CNTLN: variants seen among roughly 807,000 people sequenced by gnomAD.
The protein encoded by CNTLN is centlein, also known as centlein, centrosomal protein.
Under a neutral mutation model 180.0 loss-of-function variants are expected in CNTLN, and 212 were observed. That is an observed-to-expected ratio of 1.18 (90% confidence interval 1.05 to 1.32). The LOEUF (loss-of-function observed/expected upper bound fraction) is 1.32. Ranked by LOEUF, CNTLN falls within the 40% of genes most tolerant of loss-of-function variation. The pLI, the probability that CNTLN is intolerant of heterozygous loss-of-function variation, is 0.00. For synonymous variants in CNTLN, 722 were observed against 563.1 expected (o/e 1.28, Z -3.99); for missense variants, 2,095 against 1,610.9 (o/e 1.30, Z -5.14).
In CNTLN at chr9:17,502,644, A is replaced by G. The variant is rs1833814260; in HGVS notation, c.4213A>G (p.Ile1405Val). ...VEGYFTIMKD[I>V]R The stretch of plus-strand genomic sequence containing the variant: ...AGGATATTTCACAATTATGAAAGAT[A>G]TTAGATGATATTAAAATGGAGAGCT... Residue 1405 changes from isoleucine to valine, a missense_variant, in exon 26 of 26, where the codon ATT becomes GTT. Physicochemically the swap from Ile to Val is conservative, Grantham distance 29. Transcript: ENST00000380647. The G allele has an allele frequency of 8.1e-7, 1 of 1,227,794 alleles. No individual in the cohort carries two copies. The highest frequency in any genetic ancestry group is 1.1e-6 in the Non-Finnish European group (1 of 879,792). 76.1% of individuals were successfully genotyped at this position (1,227,794 alleles called of 1,614,324 possible).
At chr9:17,492,069 A>G (rs1833191573) in intron 25 of CNTLN, among the ~76,000 whole-genome samples, 2 of 152,104 alleles carry the variant, frequency 1.3e-5, no homozygotes, top group Admixed American at 6.6e-5. Context: ...AGTAACCCAT[A>G]CAGAATTAAT....
chr9:17,481,616 C>T (rs1472692544), intron 23 of CNTLN, among the ~76,000 whole-genome samples: 2 of 152,246 alleles, frequency 1.3e-5, no homozygotes, highest in African/African-American at 4.8e-5. Flanking sequence ...AGGAGTCCAA[C>T]CAGCAGCAAT....
chr9:17,228,062 A>T (rs1336131164), intron 3 of CNTLN, among the ~76,000 whole-genome samples: 1 of 152,046 alleles, frequency 6.6e-6, no homozygotes, highest in East Asian at 1.9e-4. Flanking sequence ...GAAAATGTAG[A>T]TACAAGTTTA....
intron 1 of CNTLN, among the ~76,000 whole-genome samples, chr9:17,139,867 G>C (rs1817967075): frequency 6.6e-6 from 1 of 152,008 alleles, no homozygotes; most frequent in African/African-American, 2.4e-5. Context: ...ACCACACTAG[G>C]CTAAGTTTTG....
At chr9:17,421,762 G>A (rs1435400892) in intron 18 of CNTLN, among the ~76,000 whole-genome samples, 1 of 151,888 alleles carries the variant, frequency 6.6e-6, no homozygotes, top group Non-Finnish European at 1.5e-5. Flanking sequence ...GTTACCATGA[G>A]GTCTGCAAAT....
chr9:17,521,360 A>G, the CNTLN span, among the ~76,000 whole-genome samples: 5 of 151,968 alleles, frequency 3.3e-5, no homozygotes, highest in Non-Finnish European at 5.9e-5. Context: ...CTTAGGTGTA[A>G]GTAAGAAAAG....
intron 18 of CNTLN, among the ~76,000 whole-genome samples, chr9:17,428,038 A>G (rs1829200668): frequency 6.6e-6 from 1 of 152,204 alleles, no homozygotes; most frequent in South Asian, 2.1e-4. Flanking sequence ...TAAAGATTAC[A>G]GAGAGTGCAT....
At chr9:17,520,127 C>G in the CNTLN span, among the ~76,000 whole-genome samples, 17 of 152,350 alleles carry the variant, frequency 1.1e-4, no homozygotes, top group Middle Eastern at 3.4e-3. Context: ...AGAAAACTCT[C>G]TTTTCCATTT....
At chr9:17,352,396 A>G (rs1237901497) in intron 12 of CNTLN, among the ~76,000 whole-genome samples, 3 of 50,422 alleles carry the variant, frequency 5.9e-5, no homozygotes, top group Admixed American at 2.4e-4. Flanking sequence ...TAGAATATAT[A>G]TATATATATA....
chr9:17,471,308 A>G (rs145913379), intron 23 of CNTLN, among the ~76,000 whole-genome samples: 2 of 152,078 alleles, frequency 1.3e-5, no homozygotes, highest in East Asian at 1.9e-4. Flanking sequence ...AATGACATGT[A>G]TCGCAGACAA....
intron 6 of CNTLN, among the ~76,000 whole-genome samples, chr9:17,285,422 G>C (rs1200915709): frequency 1.3e-5 from 2 of 148,736 alleles, no homozygotes; most frequent in East Asian, 4.0e-4. Flanking sequence ...CATTTGGGTT[G>C]GTTCCAAGTC....
chr9:17,272,780 T>C (rs140518425), intron 5 of CNTLN, among the ~76,000 whole-genome samples: 41 of 152,292 alleles, frequency 2.7e-4, no homozygotes, highest in African/African-American at 9.1e-4. Context: ...TTTCCCCTGC[T>C]AAGCATAAAA....
At position 17,302,159 on chromosome 9, in the gene CNTLN, C is replaced by T. The variant is rs564024891; in HGVS notation, c.1146+3807C>T. 109 of 959,298 alleles carry T rather than the reference C, an allele frequency of 1.1e-4. No homozygotes were observed. The African/African-American group carries it at 1.8e-3, about 16-fold the overall frequency. 59.4% of individuals were successfully genotyped at this position (959,298 alleles called of 1,614,324 possible). A position where few individuals can be genotyped will look rare whatever the true frequency, so the allele number is the denominator to read the frequency against. On this transcript the variant is annotated intron_variant, in intron 7 of 25. Transcript: ENST00000380647. ...TGACCTATCCACCCAGGGAAGACTT[C>T]CTTTTATGAAGCTATAACATCATAT...
intron 19 of CNTLN, among the ~76,000 whole-genome samples, chr9:17,460,182 A>C (rs1831368944): frequency 6.6e-6 from 1 of 151,682 alleles, no homozygotes; most frequent in African/African-American, 2.4e-5. Context: ...CACAGAAAGA[A>C]TAAGTTACTT....
At chr9:17,203,926 T>C (rs568745000) in intron 2 of CNTLN, among the ~76,000 whole-genome samples, 4 of 152,226 alleles carry the variant, frequency 2.6e-5, no homozygotes, top group Admixed American at 6.5e-5. Context: ...CAATCTCTGA[T>C]AGTCTTTCTT....
intron 3 of CNTLN, among the ~76,000 whole-genome samples, chr9:17,230,455 C>A (rs78165753): frequency 0.038 from 5,787 of 151,928 alleles, 304 homozygotes; most frequent in East Asian, 0.23. Flanking sequence ...GTGAGCTGTG[C>A]TTCTGGACTG....
At chr9:17,492,207 T>C (rs1160944839) in intron 25 of CNTLN, among the ~76,000 whole-genome samples, 2 of 152,098 alleles carry the variant, frequency 1.3e-5, no homozygotes, top group Non-Finnish European at 2.9e-5. Flanking sequence ...AAGGATCCTT[T>C]TAATAAAATA....
intron 5 of CNTLN, among the ~76,000 whole-genome samples, chr9:17,268,069 G>T (rs544093694): frequency 6.6e-6 from 1 of 152,044 alleles, no homozygotes; most frequent in Non-Finnish European, 1.5e-5. Flanking sequence ...GCTTTGTTCC[G>T]TTGCTGGTGA....
intron 2 of CNTLN, among the ~76,000 whole-genome samples, chr9:17,177,500 C>T (rs1042588184): frequency 6.6e-6 from 1 of 152,142 alleles, no homozygotes; most frequent in Non-Finnish European, 1.5e-5. Flanking sequence ...AAAGAAGCTG[C>T]GGACCCTTGT....
Sources: allele counts gnomAD v4.1 joint callset (sites outside exome capture counted in the v4.1 genomes callset), GRCh38; gene constraint gnomAD v4.1.1; transcripts MANE v1.5; gene names NCBI Gene and HGNC (gene_info 2026-07-23, HGNC 2026-07-21).